TBC1D1: variants seen among roughly 807,000 people sequenced by gnomAD.
TBC1D1 encodes TBC1 (tre-2/USP6, BUB2, cdc16) domain family, member 1.
Under a neutral mutation model 125.6 loss-of-function variants are expected in TBC1D1, and 89 were observed. The ratio of observed to expected loss-of-function variants is 0.71; its 90% CI spans 0.60 to 0.85. TBC1D1 has a LOEUF of 0.85. TBC1D1 is among the 40% of genes least tolerant of loss of function. The pLI, the probability that TBC1D1 is intolerant of heterozygous loss-of-function variation, is 0.00. For missense variants in TBC1D1, 1,377 were observed against 1,469.2 expected (o/e 0.94, Z 1.03); for synonymous variants, 565 against 564.1 (o/e 1.00, Z -0.02).
rs189134467 is a variant in TBC1D1, at chr4:37,903,352, G to A, written c.417+840G>A. 1.7e-3 allele frequency among the ~76,000 whole-genome samples: 258 copies of A among 152,318 alleles called. 4 individuals are homozygous for A. Among genetic ancestry groups the A allele is most frequent in the African/African-American group, 5.9e-3 (245 of 41,554 alleles). On this transcript the variant is annotated intron_variant, in intron 2 of 19. Transcript: ENST00000261439. ...TATGAGGATTAGCTTAGATAAAATTGAAAATATAATGCAAATAGCAACTTT... is the reference window on the plus strand; with the variant it reads ...TATGAGGATTAGCTTAGATAAAATTAAAAATATAATGCAAATAGCAACTTT...
At chr4:38,064,069 T>A (rs929101634) in intron 12 of TBC1D1, among the ~76,000 whole-genome samples, 1 of 152,256 alleles carries the variant, frequency 6.6e-6, no homozygotes, top group Non-Finnish European at 1.5e-5. Context: ...GAACACTTCA[T>A]CTAAGTGCAA....
At chr4:37,920,366 A>T (rs993154026) in intron 2 of TBC1D1, among the ~76,000 whole-genome samples, 2 of 152,162 alleles carry the variant, frequency 1.3e-5, no homozygotes, top group African/African-American at 2.4e-5. Flanking sequence ...CTGCAAAACC[A>T]CCTTGGAGCC....
intron 2 of TBC1D1, among the ~76,000 whole-genome samples, chr4:37,931,277 A>G (rs1238113595): frequency 6.6e-6 from 1 of 151,928 alleles, no homozygotes; most frequent in Non-Finnish European, 1.5e-5. Context: ...TTGTATTTCT[A>G]GTAGAGACAG....
At chr4:37,905,879 C>T (rs929204062) in intron 2 of TBC1D1, among the ~76,000 whole-genome samples, 1 of 152,168 alleles carries the variant, frequency 6.6e-6, no homozygotes, top group African/African-American at 2.4e-5. Context: ...GGATCTTGAT[C>T]CCACCCGTTT....
chr4:37,932,269 C>T (rs947740844), intron 2 of TBC1D1, among the ~76,000 whole-genome samples: 7 of 152,152 alleles, frequency 4.6e-5, no homozygotes, highest in African/African-American at 1.7e-4. Context: ...TCCCACTTAA[C>T]TTAGAGAGGG....
intron 12 of TBC1D1, chr4:38,060,777 T>C: frequency 1.8e-6 from 1 of 554,152 alleles, no homozygotes; most frequent in South Asian, 2.0e-5. Flanking sequence ...GTGCTTGGAG[T>C]CTTCTGGAAA....
intron 2 of TBC1D1, among the ~76,000 whole-genome samples, chr4:37,910,643 G>A (rs1285818163): frequency 2.0e-5 from 3 of 152,112 alleles, no homozygotes; most frequent in Non-Finnish European, 4.4e-5. Context: ...GGTTACCAGA[G>A]ACTGGGAAGG....
intron 2 of TBC1D1, among the ~76,000 whole-genome samples, chr4:37,908,139 G>A (rs995739413): frequency 4.0e-5 from 6 of 151,772 alleles, no homozygotes; most frequent in African/African-American, 1.4e-4. Context: ...GCTGGTGTGT[G>A]GTCGAGGGCA....
intron 7 of TBC1D1, among the ~76,000 whole-genome samples, chr4:38,033,703 C>T (rs1355748862): frequency 1.3e-5 from 2 of 152,158 alleles, no homozygotes; most frequent in Non-Finnish European, 2.9e-5. Flanking sequence ...CCGTGTTCTG[C>T]CTGTTCTCCC....
intron 12 of TBC1D1, among the ~76,000 whole-genome samples, chr4:38,064,439 C>A (rs537702091): frequency 3.3e-5 from 5 of 152,136 alleles, no homozygotes; most frequent in Non-Finnish European, 7.4e-5. Flanking sequence ...GGCTTTCCTG[C>A]AGGCTGCCAT....
In TBC1D1 at chr4:38,103,101, A is replaced by G; in HGVS notation, c.2501A>G (p.Tyr834Cys). 1 of 1,614,174 alleles carries G rather than the reference A, an allele frequency of 6.2e-7. No individual in the cohort carries two copies. The highest frequency in any genetic ancestry group is 8.5e-7 in the Non-Finnish European group (1 of 1,180,018). The change falls in exon 15 of 20, where the codon TAC (tyrosine) becomes TGC (cysteine). Residue 834 changes from tyrosine to cysteine, a missense_variant. This residue lies in a region of TBC1D1 where 543 missense variants were observed against 613.5 expected (regional missense o/e 0.89). Coordinates refer to ENST00000261439, the MANE Select transcript of TBC1D1 (RefSeq NM_015173.4). The stretch of plus-strand genomic sequence containing the variant: ...AAACAGCAGCCAAAGGATGTGCCAT[A>G]CAAAGAACTCTTAAAGCAGCTGACT...
At chr4:38,021,989 TTAC>T (rs1281083071) in intron 6 of TBC1D1, among the ~76,000 whole-genome samples, 1 of 152,192 alleles carries the variant, frequency 6.6e-6, no homozygotes, top group Admixed American at 6.5e-5. Flanking sequence ...GGGAAACAGG[TTAC>T]CAAACCGGTT....
chr4:37,987,857 A>T (rs1735768204), intron 2 of TBC1D1, among the ~76,000 whole-genome samples: 1 of 152,226 alleles, frequency 6.6e-6, no homozygotes. Context: ...CCACAGAACC[A>T]TGTTTCATAG....
rs1450811207 is a variant in TBC1D1, at chr4:37,995,120, G to T, written c.418-19389G>T. Among the ~76,000 whole-genome samples the T allele has an allele frequency of 1.3e-5, 2 of 152,174 alleles. No homozygotes were observed. Among genetic ancestry groups the T allele is most frequent in the African/African-American group, 4.8e-5 (2 of 41,432 alleles). On this transcript the variant is annotated intron_variant, in intron 2 of 19. Coordinates refer to ENST00000261439, the MANE Select transcript of TBC1D1 (RefSeq NM_015173.4). The surrounding 1 kb of genome is among the most constrained non-coding windows in gnomAD (Gnocchi z 4.3). ...TAGAAGTGATTTTAAGAGTACTGCA[G>T]TTTGTTTCCTTCGATACTGACACAA... is the stretch of plus-strand genomic sequence containing the variant.
At chr4:38,035,529 G>C in intron 7 of TBC1D1, 59 bp from the exon 8 acceptor site, 4 of 1,383,206 alleles carry the variant, frequency 2.9e-6, no homozygotes, top group Non-Finnish European at 4.1e-6. Flanking sequence ...TTAAAAAGAC[G>C]GCTTAGCAAT....
chr4:38,105,478 G>A (rs1761146025), intron 15 of TBC1D1, among the ~76,000 whole-genome samples: 1 of 152,066 alleles, frequency 6.6e-6, no homozygotes. Flanking sequence ...GCGTATGCAG[G>A]TTTCTTACAA....
chr4:38,002,804 A>C (rs754294357), intron 2 of TBC1D1, among the ~76,000 whole-genome samples: 9 of 152,178 alleles, frequency 5.9e-5, no homozygotes, highest in Non-Finnish European at 1.0e-4. Context: ...GAGCTTCTCT[A>C]CTGGGCCCCA....
At chr4:37,921,198 G>A (rs913623083) in intron 2 of TBC1D1, among the ~76,000 whole-genome samples, 1 of 150,040 alleles carries the variant, frequency 6.7e-6, no homozygotes. Context: ...AATGGCTGAT[G>A]AACATCCCAC....
rs938159933 is a variant in TBC1D1, at chr4:38,041,868, G to T, written c.1414-2494G>T. ...ATTAAGCTTCAAAGATGTCTGCAGT[G>T]GTTCCCATTAAAAGTAGAAAGTAGG... is the stretch of plus-strand genomic sequence containing the variant. On this transcript the variant is annotated intron_variant, in intron 8 of 19. Coordinates refer to ENST00000261439, the MANE Select transcript of TBC1D1 (RefSeq NM_015173.4). Among the ~76,000 whole-genome samples the T allele has an allele frequency of 3.3e-5, 5 of 152,108 alleles. No homozygotes were observed. The South Asian group carries it at 1.0e-3, about 31-fold the overall frequency.
Sources: allele counts gnomAD v4.1 joint callset (sites outside exome capture counted in the v4.1 genomes callset), GRCh38; gene constraint gnomAD v4.1.1; regional missense constraint gnomAD v4.1.1; non-coding constraint Gnocchi (gnomAD v3.1); transcripts MANE v1.5; gene names NCBI Gene and HGNC (gene_info 2026-07-23, HGNC 2026-07-21).